The following SLC18A1 variants were observed in gnomAD, a reference collection of about 807,000 sequenced individuals.
The protein encoded by SLC18A1 is chromaffin granule amine transporter.
Under a neutral mutation model 53.7 loss-of-function variants are expected in SLC18A1, and 69 were observed. That is an observed-to-expected ratio of 1.28 (90% confidence interval 1.06 to 1.57). The LOEUF is 1.57. Among genes scored for constraint, SLC18A1 ranks in the 40% most tolerant of loss-of-function variants. The pLI is 0.00. For synonymous variants in SLC18A1, 320 were observed against 248.1 expected (o/e 1.29, Z -2.72); for missense variants, 932 against 668.1 (o/e 1.40, Z -4.35).
At chr8:20,173,563 T>C (rs1205772190) in intron 5 of SLC18A1, among the ~76,000 whole-genome samples, 1 of 152,202 alleles carries the variant, frequency 6.6e-6, no homozygotes, top group East Asian at 1.9e-4. Context: ...TGTGGGCTAG[T>C]GCTGTACGGC....
At chr8:20,167,599 C>T (rs1018024870) in intron 8 of SLC18A1, among the ~76,000 whole-genome samples, 1 of 151,980 alleles carries the variant, frequency 6.6e-6, no homozygotes, top group Admixed American at 6.6e-5. Flanking sequence ...CACATTGAGT[C>T]CCCATAGTTT....
At chr8:20,152,407 G>C (rs1202232529) in intron 10 of SLC18A1, among the ~76,000 whole-genome samples, 2 of 152,188 alleles carry the variant, frequency 1.3e-5, no homozygotes, top group Non-Finnish European at 2.9e-5. Context: ...AAAAGTGATG[G>C]TGCCTCAGAT....
At chr8:20,148,524 A>G (rs1191242677) in intron 12 of SLC18A1, 11 of 1,261,544 alleles carry the variant, frequency 8.7e-6, no homozygotes, top group Admixed American at 2.3e-5. Flanking sequence ...TAGCTGTTGG[A>G]AAAAGAAGAT....
intron 10 of SLC18A1, 172 bp from the exon 11 acceptor site, chr8:20,150,916 C>T: frequency 1.6e-6 from 1 of 612,242 alleles, no homozygotes; most frequent in Non-Finnish European, 2.9e-6. Context: ...ATAGGACCCC[C>T]ACACCTCTCC....
At chr8:20,168,299 G>A (rs1194705016) in intron 8 of SLC18A1, among the ~76,000 whole-genome samples, 1 of 151,708 alleles carries the variant, frequency 6.6e-6, no homozygotes, top group Admixed American at 6.6e-5. Context: ...CCCAAGAGTT[G>A]GAGGCTACAG....
chr8:20,148,474 T>C (rs1255693157), intron 12 of SLC18A1: 12 of 1,289,524 alleles, frequency 9.3e-6, no homozygotes, highest in Non-Finnish European at 1.2e-5. Context: ...TTTTCCATTA[T>C]GGACATCACT....
chr8:20,149,135 G>T (rs143985380), intron 12 of SLC18A1, among the ~76,000 whole-genome samples: 1 of 152,274 alleles, frequency 6.6e-6, no homozygotes, highest in African/African-American at 2.4e-5. Context: ...CCCCACTGGG[G>T]AGAGGAGGAA....
In SLC18A1 at chr8:20,151,412, G is replaced by A. The variant is rs116279671; in HGVS notation, c.1016-668C>T. ...CGTGAGAATGTGAGCTTCAGAGGTGGTGTGGTTGGGTGCCACATACCCATA... is the reference window on the plus strand; with the variant it reads ...CGTGAGAATGTGAGCTTCAGAGGTGATGTGGTTGGGTGCCACATACCCATA... On this transcript the variant is annotated intron_variant, in intron 10 of 15. Coordinates refer to ENST00000276373, the MANE Select transcript of SLC18A1 (RefSeq NM_003053.4). 2.0e-3 allele frequency among the ~76,000 whole-genome samples: 309 copies of A among 152,228 alleles called. 2 individuals are homozygous for A. Among genetic ancestry groups the A allele is most frequent in the African/African-American group, 7.1e-3 (294 of 41,538 alleles).
chr8:20,172,598 G>A (rs543202647), intron 6 of SLC18A1, among the ~76,000 whole-genome samples: 8 of 152,260 alleles, frequency 5.3e-5, no homozygotes, highest in Admixed American at 2.0e-4. Flanking sequence ...TGGCTGTGGC[G>A]TTTCCTAGCT....
intron 13 of SLC18A1, 27 bp downstream of exon 13, chr8:20,147,980 A>G: frequency 6.2e-7 from 1 of 1,611,276 alleles, no homozygotes; most frequent in African/African-American, 1.3e-5. Context: ...GCAGGGGCTT[A>G]TTGTTTTCTT....
chr8:20,171,418 TGCCAGGAAG>T lies in SLC18A1; in HGVS notation c.792_800del (p.Phe265_Ala267del). The T allele has an allele frequency of 6.2e-7, 1 of 1,614,022 alleles. No homozygotes were observed. On this transcript the variant is annotated inframe_deletion, in exon 7 of 16. Transcript: ENST00000276373. ...ATGGTGACTTACCTCCATCCAGTAG[TGCCAGGAAG>T]GCCAGGATGAGGAAGGGTGCAGACT...
chr8:20,181,064 G>A lies in SLC18A1; in HGVS notation c.-100C>T. ...CAGCCTTTATGGAAGAGGGGAGGGAGTCTGCCCAGACGAAGGAAACTCACT... is the reference window on the plus strand; with the variant it reads ...CAGCCTTTATGGAAGAGGGGAGGGAATCTGCCCAGACGAAGGAAACTCACT... On this transcript the variant is annotated 5_prime_UTR_variant, in exon 2 of 16. Transcript: ENST00000276373. 7.1e-7 allele frequency: 1 copy of A among 1,416,254 alleles called. No homozygotes were observed. Among genetic ancestry groups the A allele is most frequent in the Non-Finnish European group, 9.4e-7 (1 of 1,063,122 alleles). 87.7% of individuals were successfully genotyped at this position (1,416,254 alleles called of 1,614,324 possible). A position where few individuals can be genotyped will look rare whatever the true frequency, so the allele number is the denominator to read the frequency against.
chr8:20,180,874 A>C lies in SLC18A1; in HGVS notation c.91T>G (p.Leu31Val). The change falls in exon 2 of 16, where the codon TTG (leucine) becomes GTG (valine). Residue 31 changes from leucine to valine, a missense_variant. Physicochemically the swap from Leu to Val is conservative, Grantham distance 32 (BLOSUM62 1). Transcript: ENST00000276373. ...GTAAACAGCATGTTGTCCAGGAGCAAAGCGACGAATACCACCACCAGCACC... is the reference window on the plus strand; with the variant it reads ...GTAAACAGCATGTTGTCCAGGAGCACAGCGACGAATACCACCACCAGCACC... ...QLVLVVVFVA[L>V]LLDNMLFTVV... 2 of 1,614,010 alleles carry C rather than the reference A, an allele frequency of 1.2e-6. No individual in the cohort carries two copies. The highest frequency in any genetic ancestry group is 1.7e-6 in the Non-Finnish European group (2 of 1,179,938).
At chr8:20,163,455 G>T (rs1410837606) in intron 10 of SLC18A1, among the ~76,000 whole-genome samples, 2 of 152,126 alleles carry the variant, frequency 1.3e-5, no homozygotes, top group Non-Finnish European at 2.9e-5. Context: ...AACCCAGGTG[G>T]ACCTGGGCTA....
At chr8:20,155,057 G>A (rs1296164139) in intron 10 of SLC18A1, among the ~76,000 whole-genome samples, 4 of 152,052 alleles carry the variant, frequency 2.6e-5, no homozygotes, top group South Asian at 2.1e-4. Flanking sequence ...TGTGACCCAC[G>A]GCTTCTAATA....
intron 10 of SLC18A1, among the ~76,000 whole-genome samples, chr8:20,159,795 G>A (rs913229347): frequency 6.6e-6 from 1 of 152,122 alleles, no homozygotes; most frequent in Admixed American, 6.6e-5. Flanking sequence ...CGCAGAGTAA[G>A]GGCCCTACAA....
intron 1 of SLC18A1, among the ~76,000 whole-genome samples, chr8:20,181,291 T>C (rs1341319096): frequency 6.6e-6 from 1 of 152,170 alleles, no homozygotes; most frequent in Non-Finnish European, 1.5e-5. Flanking sequence ...AATGGCTAGG[T>C]ATAAATCCAG....
In SLC18A1 at chr8:20,174,449, G is replaced by A; in HGVS notation, c.548-5C>T. The A allele has an allele frequency of 6.2e-7, 1 of 1,610,842 alleles. No homozygotes were observed. Among genetic ancestry groups the A allele is most frequent in the African/African-American group, 1.3e-5 (1 of 74,968 alleles). Reference sequence around the variant, plus strand: ...AGGTCCCAGAAAAAGCAAACACTGGGCAGAGAGAATAGCAAGATAACTGCA... The same window carrying A: ...AGGTCCCAGAAAAAGCAAACACTGGACAGAGAGAATAGCAAGATAACTGCA... On this transcript the variant is annotated splice_polypyrimidine_tract_variant and splice_region_variant and intron_variant, in intron 4 of 15. Transcript: ENST00000276373.
chr8:20,149,407 C>T (rs1317818893), intron 12 of SLC18A1, among the ~76,000 whole-genome samples: 1 of 151,992 alleles, frequency 6.6e-6, no homozygotes, highest in Non-Finnish European at 1.5e-5. Flanking sequence ...GCCCTACAGC[C>T]CTCTTCCTCT....
Sources: allele counts gnomAD v4.1 joint callset (sites outside exome capture counted in the v4.1 genomes callset), GRCh38; gene constraint gnomAD v4.1.1; transcripts MANE v1.5; gene names NCBI Gene and HGNC (gene_info 2026-07-23, HGNC 2026-07-21).